Variants in KCNB2 observed in about 807,000 individuals in gnomAD.
KCNB2 encodes the protein delayed rectifier potassium channel protein.
KCNB2 carries 15 observed loss-of-function variants against 61.5 expected under a neutral mutation model. The ratio of observed to expected loss-of-function variants is 0.24; its 90% confidence interval spans 0.16 to 0.38. KCNB2 has a LOEUF of 0.38. KCNB2 is among the 10% of genes least tolerant of loss of function. KCNB2 has a pLI of 1.00. For synonymous variants in KCNB2, 457 were observed against 446.0 expected, an observed-to-expected ratio of 1.02 and a Z score of -0.31; for missense variants, 828 against 1,125.2, an observed-to-expected ratio of 0.74 and a Z score of 3.78.
chr8:72,918,460 A>G (rs1700686330), intron 2 of KCNB2, among the ~76,000 whole-genome samples: 1 of 152,222 alleles, frequency 6.6e-6, no homozygotes, highest in South Asian at 2.1e-4. Flanking sequence ...AGATAAAGAA[A>G]GCCTAAGGGC....
intron 2 of KCNB2, among the ~76,000 whole-genome samples, chr8:72,755,537 C>T (rs945257348): frequency 6.6e-6 from 1 of 152,136 alleles, no homozygotes; most frequent in Non-Finnish European, 1.5e-5. Context: ...AAATGGCAAA[C>T]GATTTGACCA....
At chr8:72,708,291 T>C (rs1807266952) in intron 2 of KCNB2, among the ~76,000 whole-genome samples, 1 of 138,576 alleles carries the variant, frequency 7.2e-6, no homozygotes, top group South Asian at 2.3e-4. Flanking sequence ...AGAATTTGTG[T>C]TCTCTATTTG....
At chr8:72,838,190 G>A (rs190164051) in intron 2 of KCNB2, among the ~76,000 whole-genome samples, 26 of 152,156 alleles carry the variant, frequency 1.7e-4, no homozygotes, top group African/African-American at 6.0e-4. Context: ...AGCTGTATAT[G>A]TGCCATGTTG....
chr8:72,881,790 G>T (rs931805055), intron 2 of KCNB2: 2 of 151,886 alleles, frequency 1.3e-5, no homozygotes, highest in Non-Finnish European at 2.9e-5. Context: ...CAATGCAGAG[G>T]GCGTGTTTCC....
chr8:72,704,500 GGTGTGTGTGTGTGTGTGT>G (rs10524175), intron 2 of KCNB2, among the ~76,000 whole-genome samples: 8,949 of 147,600 alleles, frequency 0.061, 876 homozygotes, highest in African/African-American at 0.2. Flanking sequence ...AGAGAAAGCT[GGTGTGTGTGTGTGTGTGT>G]GTGTGTGTGT....
chr8:72,756,596 C>T (rs1299604697), intron 2 of KCNB2, among the ~76,000 whole-genome samples: 1 of 152,182 alleles, frequency 6.6e-6, no homozygotes, highest in Non-Finnish European at 1.5e-5. Flanking sequence ...CTAATTGATT[C>T]CAATGTTTGG....
At chr8:72,740,406 G>T (rs896321921) in intron 2 of KCNB2, among the ~76,000 whole-genome samples, 1 of 152,084 alleles carries the variant, frequency 6.6e-6, no homozygotes, top group African/African-American at 2.4e-5. Context: ...ACTGGCTAAG[G>T]CTTCAAGTTC....
intron 2 of KCNB2, among the ~76,000 whole-genome samples, chr8:72,671,526 T>G (rs1158047670): frequency 6.6e-6 from 1 of 152,132 alleles, no homozygotes; most frequent in Admixed American, 6.6e-5. Context: ...AAAAAGAGCC[T>G]TACCACTGAA....
In KCNB2 at chr8:72,937,780, A is replaced by G. The variant is rs1282478344; in HGVS notation, c.2425A>G (p.Thr809Ala). ...RERRSFTEIDTGDDEDFLELP... is the reference protein window; with the variant it reads ...RERRSFTEIDAGDDEDFLELP... The stretch of plus-strand genomic sequence containing the variant: ...GAGGAGGAGCTTCACTGAAATAGAT[A>G]CTGGTGACGACGAAGACTTCTTAGA... The change falls in exon 3 of 3, where the codon ACT becomes GCT. Residue 809 changes from threonine (T) to alanine (A), a missense_variant. Thr to Ala is a moderately conservative substitution (Grantham distance 58). Around this residue, in one of 4 missense-constraint regions of KCNB2, gnomAD observed 559 missense variants for 588.4 expected, o/e 0.95. Coordinates refer to ENST00000523207, the MANE Select transcript of KCNB2 (RefSeq NM_004770.3). 6.2e-7 allele frequency: 1 copy of G among 1,614,036 alleles called. No homozygotes were observed. The highest frequency in any genetic ancestry group is 1.7e-5 in the Admixed American group (1 of 60,020).
intron 2 of KCNB2, among the ~76,000 whole-genome samples, chr8:72,633,969 G>A (rs1805923986): frequency 7.1e-6 from 1 of 140,974 alleles, no homozygotes; most frequent in African/African-American, 2.4e-5. Flanking sequence ...CAAGAGCCAA[G>A]GAGTCAGACT....
intron 2 of KCNB2, among the ~76,000 whole-genome samples, chr8:72,933,213 T>G (rs1806827128): frequency 1.3e-5 from 2 of 152,234 alleles, no homozygotes; most frequent in Admixed American, 6.5e-5. Context: ...TTTGTTAAGC[T>G]GTGGTCAACT....
chr8:72,646,578 T>C (rs1033889664), intron 2 of KCNB2, among the ~76,000 whole-genome samples: 2 of 152,158 alleles, frequency 1.3e-5, no homozygotes, highest in African/African-American at 4.8e-5. Context: ...TGCTACAACA[T>C]GGATGAACCT....
intron 2 of KCNB2, among the ~76,000 whole-genome samples, chr8:72,890,850 T>C (rs955278364): frequency 2.0e-5 from 3 of 152,208 alleles, no homozygotes; most frequent in Admixed American, 1.3e-4. Context: ...TCTACTTAAA[T>C]TGAGACTCTT....
intron 2 of KCNB2, among the ~76,000 whole-genome samples, chr8:72,836,216 C>A (rs1167836147): frequency 6.6e-6 from 1 of 152,170 alleles, no homozygotes; most frequent in Non-Finnish European, 1.5e-5. Flanking sequence ...AAAGTGTTCC[C>A]ATCACAGCTA....
chr8:72,924,355 A>G (rs1452095417), intron 2 of KCNB2, among the ~76,000 whole-genome samples: 1 of 56,976 alleles, frequency 1.8e-5, no homozygotes, highest in Non-Finnish European at 4.2e-5. Context: ...AGAACCTCCA[A>G]TTCTGATTTT....
intron 2 of KCNB2, among the ~76,000 whole-genome samples, chr8:72,851,638 G>C (rs560212411): frequency 1.3e-5 from 2 of 152,076 alleles, no homozygotes; most frequent in African/African-American, 4.8e-5. Flanking sequence ...TGAGCATTTA[G>C]TCAGGTTCCA....
chr8:72,737,163 T>G (rs897920216), intron 2 of KCNB2, among the ~76,000 whole-genome samples: 1 of 152,074 alleles, frequency 6.6e-6, no homozygotes, highest in African/African-American at 2.4e-5. Context: ...AAAATAAGCT[T>G]TGTGAAAGAG....
chr8:72,768,773 G>C (rs1208577121), intron 2 of KCNB2, among the ~76,000 whole-genome samples: 2 of 152,096 alleles, frequency 1.3e-5, no homozygotes, highest in African/African-American at 4.8e-5. Context: ...TCATTCTTTT[G>C]CAAGTGGACA....
intron 2 of KCNB2, among the ~76,000 whole-genome samples, chr8:72,682,679 A>T (rs1021434292): frequency 6.6e-6 from 1 of 151,912 alleles, no homozygotes; most frequent in Non-Finnish European, 1.5e-5. Context: ...CTGCAGCCTC[A>T]ATTTCCTGGG....
Sources: allele counts gnomAD v4.1 joint callset (sites outside exome capture counted in the v4.1 genomes callset), GRCh38; gene constraint gnomAD v4.1.1; regional missense constraint gnomAD v4.1.1; transcripts MANE v1.5; gene names NCBI Gene and HGNC (gene_info 2026-07-23, HGNC 2026-07-21).